Variants in LINGO2 observed in about 807,000 individuals in gnomAD.
LINGO2 encodes leucine-rich repeat and immunoglobulin-like domain-containing nogo receptor-interacting protein 2.
Under a neutral mutation model 30.6 loss-of-function variants are expected in LINGO2, and 14 were observed. The observed-to-expected ratio is 0.46, with a 90% CI of 0.30 to 0.72. The LOEUF is 0.72. Ranked by LOEUF, LINGO2 falls within the 30% of genes least tolerant of loss-of-function variation. The pLI is 0.07. For synonymous variants in LINGO2, 317 were observed against 288.5 expected (o/e 1.10, Z -1.00); for missense variants, 729 against 751.7 (o/e 0.97, Z 0.35).
chr9:28,745,510 T>A, the LINGO2 span, among the ~76,000 whole-genome samples: 1 of 152,120 alleles, frequency 6.6e-6, no homozygotes, highest in Admixed American at 6.5e-5. Context: ...TCTTTACATG[T>A]GCAGTTTGTT....
the LINGO2 span, among the ~76,000 whole-genome samples, chr9:28,829,068 A>G: frequency 6.0e-3 from 918 of 152,206 alleles, 11 homozygotes; most frequent in African/African-American, 0.021. Flanking sequence ...CAGCCATAAA[A>G]ACCCCCAGGA....
At chr9:28,901,224 AT>A in the LINGO2 span, among the ~76,000 whole-genome samples, 14 of 152,298 alleles carry the variant, frequency 9.2e-5, no homozygotes, top group African/African-American at 3.4e-4. Context: ...AAAACTTCCA[AT>A]CAGAAACGAA....
chr9:28,571,921 T>C (rs1823714760), intron 1 of LINGO2, among the ~76,000 whole-genome samples: 1 of 152,080 alleles, frequency 6.6e-6, no homozygotes. Flanking sequence ...TGTTTTATTT[T>C]TAACTTTTTG....
At chr9:28,919,268 G>T in the LINGO2 span, among the ~76,000 whole-genome samples, 1 of 152,032 alleles carries the variant, frequency 6.6e-6, no homozygotes, top group Admixed American at 6.6e-5. Flanking sequence ...CATGCTTGAA[G>T]GTTCAGCCAT....
chr9:29,199,949 A>G, the LINGO2 span, among the ~76,000 whole-genome samples: 9 of 152,102 alleles, frequency 5.9e-5, no homozygotes, highest in Non-Finnish European at 1.3e-4. Flanking sequence ...TGAGAGAAAA[A>G]AAAAGCTTCA....
chr9:28,481,307 T>C (rs903538343), intron 1 of LINGO2, among the ~76,000 whole-genome samples: 1 of 152,166 alleles, frequency 6.6e-6, no homozygotes, highest in Admixed American at 6.6e-5. Context: ...AACATGGAGA[T>C]GTTATGGCTA....
the LINGO2 span, among the ~76,000 whole-genome samples, chr9:29,155,322 A>T: frequency 1.6e-4 from 24 of 152,190 alleles, no homozygotes; most frequent in South Asian, 4.8e-3. Context: ...TAGAAAATAA[A>T]TTTTTTAAAG....
intron 4 of LINGO2, among the ~76,000 whole-genome samples, chr9:28,239,336 A>C (rs1192580692): frequency 6.6e-6 from 1 of 152,156 alleles, no homozygotes; most frequent in Non-Finnish European, 1.5e-5. Flanking sequence ...ACATCAAAAA[A>C]AGAAAACCAC....
intron 4 of LINGO2, among the ~76,000 whole-genome samples, chr9:28,255,721 T>C (rs1822360496): frequency 6.6e-6 from 1 of 152,212 alleles, no homozygotes; most frequent in East Asian, 1.9e-4. Context: ...GGCTTTCCAA[T>C]TTTTAGCAAG....
chr9:28,026,427 C>T (rs1198293818), intron 4 of LINGO2, among the ~76,000 whole-genome samples: 1 of 152,076 alleles, frequency 6.6e-6, no homozygotes, highest in African/African-American at 2.4e-5. Context: ...GTTGCTGGGC[C>T]CCTAGAGTTT....
chr9:28,391,152 T>C (rs185554047), intron 2 of LINGO2, among the ~76,000 whole-genome samples: 2 of 152,314 alleles, frequency 1.3e-5, no homozygotes, highest in South Asian at 2.1e-4. Flanking sequence ...CTATATAATG[T>C]ATTATAATTT....
chr9:29,165,276 TTGAG>T, the LINGO2 span, among the ~76,000 whole-genome samples: 1 of 152,132 alleles, frequency 6.6e-6, no homozygotes, highest in Non-Finnish European at 1.5e-5. Flanking sequence ...TACACATTTA[TTGAG>T]TAACTATTAT....
intron 2 of LINGO2, among the ~76,000 whole-genome samples, chr9:28,390,725 G>C (rs773187389): frequency 6.6e-6 from 1 of 152,072 alleles, no homozygotes; most frequent in Non-Finnish European, 1.5e-5. Context: ...ACTTCTCCTA[G>C]GTAAAAGCTA....
intron 2 of LINGO2, among the ~76,000 whole-genome samples, chr9:28,409,690 C>G (rs1417837107): frequency 1.3e-5 from 2 of 150,882 alleles, no homozygotes; most frequent in African/African-American, 4.9e-5. Context: ...AAGAGAGCAT[C>G]AGGATCACAC....
the LINGO2 span, among the ~76,000 whole-genome samples, chr9:28,798,334 A>T: frequency 2.0e-5 from 3 of 152,088 alleles, 1 homozygote; most frequent in South Asian, 6.2e-4. Flanking sequence ...AACAAACTTG[A>T]GTAGGTAAAA....
chr9:28,911,150 G>A, the LINGO2 span, among the ~76,000 whole-genome samples: 6,217 of 152,036 alleles, frequency 0.041, 197 homozygotes, highest in Admixed American at 0.082. Context: ...AGGCAGTAAT[G>A]TTCAGGGGTA....
intron 1 of LINGO2, among the ~76,000 whole-genome samples, chr9:28,585,486 G>A (rs1172500931): frequency 6.6e-6 from 1 of 151,870 alleles, no homozygotes; most frequent in African/African-American, 2.4e-5. Flanking sequence ...AAAGCTATGG[G>A]CATTCAGTAG....
chr9:28,952,252 C>G, the LINGO2 span, among the ~76,000 whole-genome samples: 19 of 152,148 alleles, frequency 1.2e-4, no homozygotes, highest in Admixed American at 1.2e-3. Context: ...GGTTCAATAT[C>G]TATCTATCTA....
intron 1 of LINGO2, among the ~76,000 whole-genome samples, chr9:28,557,377 C>T (rs1337353939): frequency 4.6e-5 from 7 of 152,074 alleles, no homozygotes; most frequent in African/African-American, 1.4e-4. Flanking sequence ...ATTTATGCAG[C>T]CAACAGACAC....
Sources: allele counts gnomAD v4.1 joint callset (sites outside exome capture counted in the v4.1 genomes callset), GRCh38; gene constraint gnomAD v4.1.1; transcripts MANE v1.5; gene names NCBI Gene and HGNC (gene_info 2026-07-23, HGNC 2026-07-21).